Variants in PBX1 observed in about 807,000 individuals in gnomAD.
PBX1 encodes PBX homeobox 1, also known as pre-B-cell leukemia transcription factor 1.
A neutral mutation model predicts 53.4 loss-of-function variants in PBX1; 6 were observed. The ratio of observed to expected loss-of-function variants is 0.11; its 90% CI spans 0.06 to 0.22. The LOEUF (loss-of-function observed/expected upper bound fraction) is 0.22, where lower values mean the gene tolerates loss of function less well. PBX1 is among the 10% of genes least tolerant of loss of function. PBX1 has a pLI of 1.00. For synonymous variants in PBX1, 204 were observed against 212.3 expected (o/e 0.96, Z 0.34); for missense variants, 251 against 551.4 (o/e 0.46, Z 5.46).
chr1:164,780,691 C>T (rs770370279), intron 2 of PBX1, among the ~76,000 whole-genome samples: 18 of 152,128 alleles, frequency 1.2e-4, no homozygotes, highest in Admixed American at 4.6e-4. Flanking sequence ...CACACATCCC[C>T]GAAGACATTA....
At chr1:164,844,864 T>G (rs1671490938) in intron 8 of PBX1, among the ~76,000 whole-genome samples, 1 of 152,204 alleles carries the variant, frequency 6.6e-6, no homozygotes, top group Non-Finnish European at 1.5e-5. Context: ...AAGAAAGAAT[T>G]ATTTTCCTCC....
intron 2 of PBX1, among the ~76,000 whole-genome samples, chr1:164,574,023 C>G (rs1654051690): frequency 6.6e-6 from 1 of 152,160 alleles, no homozygotes; most frequent in South Asian, 2.1e-4. Context: ...TAGCCGTGTT[C>G]CAGATTAAAG....
At chr1:164,819,088 G>A (rs1425471269) in intron 6 of PBX1, 4 of 152,186 alleles carry the variant, frequency 2.6e-5, no homozygotes, top group African/African-American at 9.7e-5. Context: ...AACCTTGCAC[G>A]TTGAGCTTTC....
At position 164,752,420 on chromosome 1, in the gene PBX1, C is replaced by A. The variant is rs1666283845; in HGVS notation, c.266-40074C>A. Reference sequence around the variant, plus strand: ...TGTGAGCCAGATTGCCATTCTGGACCAAGATCTGAGAAGGAAGACATAGGG... The same window carrying A: ...TGTGAGCCAGATTGCCATTCTGGACAAAGATCTGAGAAGGAAGACATAGGG... On this transcript the variant is annotated intron_variant, in intron 2 of 8. Transcript: ENST00000420696. Among the ~76,000 whole-genome samples, 4 of 152,042 alleles carry A rather than the reference C, an allele frequency of 2.6e-5. No homozygotes were observed. The South Asian group carries it at 8.4e-4, about 32-fold the overall frequency.
In PBX1 at chr1:164,870,971, C is replaced by T. The variant is rs771050637; in HGVS notation, n.258-28217C>T. Among the ~76,000 whole-genome samples, 36 of 152,012 alleles carry T rather than the reference C, an allele frequency of 2.4e-4. 1 individual carries two copies. Among genetic ancestry groups the T allele is most frequent in the Non-Finnish European group, 4.4e-4 (30 of 68,022 alleles). The stretch of plus-strand genomic sequence containing the variant: ...CCCACTCCCTTTTCACACCTGTCAA[C>T]GAGATCAAGCTGATTACCTAAAACA... On this transcript the variant is annotated intron_variant and non_coding_transcript_variant, in intron 2 of 2. Coordinates refer to the PBX1 transcript ENST00000558796.
chr1:164,792,269 C>T (rs1014896776), intron 2 of PBX1, among the ~76,000 whole-genome samples: 24 of 152,258 alleles, frequency 1.6e-4, no homozygotes, highest in African/African-American at 5.5e-4. Context: ...TTTGATTATT[C>T]GAGATTCCAC....
At chr1:164,821,319 T>C (rs1038240092) in intron 7 of PBX1, among the ~76,000 whole-genome samples, 1 of 110,788 alleles carries the variant, frequency 9.0e-6, no homozygotes, top group Non-Finnish European at 1.9e-5. Context: ...CAGTTTTCTT[T>C]TACCATTTTA....
rs375539653 is a variant in PBX1, at chr1:164,716,685, T to TACACACACACACACACACACACACAC, written c.266-75789_266-75764dup. On this transcript the variant is annotated intron_variant, in intron 2 of 8. Coordinates refer to ENST00000420696, the MANE Select transcript of PBX1 (RefSeq NM_002585.4). The stretch of plus-strand genomic sequence containing the variant: ...TGGGCAACATGGGAAATGTCATCTC[T>TACACACACACACACACACACACACAC]ACACACACACACACACACACACACA... 3.8e-3 allele frequency among the ~76,000 whole-genome samples: 440 copies of TACACACACACACACACACACACACAC among 115,834 alleles called. 5 individuals carry two copies. The highest frequency in any genetic ancestry group is 6.7e-3 in the South Asian group (17 of 2,542). The allele number at this position is 115,834 out of a possible 152,430, so 76.0% of individuals were successfully genotyped here. A position where few individuals can be genotyped will look rare whatever the true frequency, so the allele number is the denominator to read the frequency against.
intron 2 of PBX1, among the ~76,000 whole-genome samples, chr1:164,630,067 A>G (rs537712540): frequency 2.5e-4 from 38 of 152,290 alleles, no homozygotes; most frequent in African/African-American, 8.2e-4. Context: ...AGATAACGTA[A>G]AATTTTTCCT....
chr1:164,749,719 G>A (rs983739595), intron 2 of PBX1, among the ~76,000 whole-genome samples: 10 of 152,116 alleles, frequency 6.6e-5, no homozygotes, highest in African/African-American at 2.4e-4. Context: ...AAAAGGGAGA[G>A]AATGAATTTG....
intron 2 of PBX1, among the ~76,000 whole-genome samples, chr1:164,579,935 T>A (rs1211307168): frequency 6.6e-6 from 1 of 152,194 alleles, no homozygotes; most frequent in Non-Finnish European, 1.5e-5. Flanking sequence ...TTAGTGAATC[T>A]TCCTAAAGTC....
chr1:164,573,008 C>A (rs75518954), intron 2 of PBX1, among the ~76,000 whole-genome samples: 1 of 152,056 alleles, frequency 6.6e-6, no homozygotes, highest in Admixed American at 6.6e-5. Flanking sequence ...TTCACACCCC[C>A]CTCCCCTACT....
chr1:164,773,241 G>GCACACACACACACACACACACACACACA (rs746140319), intron 2 of PBX1, among the ~76,000 whole-genome samples: 1 of 135,188 alleles, frequency 7.4e-6, no homozygotes, highest in African/African-American at 2.7e-5. Context: ...TAGGTAACAC[G>GCACACACACACACACACACACACACACA]CGCACACACA....
chr1:164,844,323 A>G (rs566468347), intron 8 of PBX1, among the ~76,000 whole-genome samples: 57 of 152,028 alleles, frequency 3.7e-4, no homozygotes, highest in African/African-American at 1.4e-3. Flanking sequence ...CTTCCTCTAA[A>G]AAGTAGGACC....
intron 2 of PBX1, among the ~76,000 whole-genome samples, chr1:164,627,567 A>G (rs1658127948): frequency 6.6e-6 from 1 of 152,136 alleles, no homozygotes; most frequent in Non-Finnish European, 1.5e-5. Flanking sequence ...AGTGAAAGGA[A>G]ATAATATTTC....
At chr1:164,603,208 A>G (rs1337288288) in intron 2 of PBX1, among the ~76,000 whole-genome samples, 1 of 151,214 alleles carries the variant, frequency 6.6e-6, no homozygotes, top group Non-Finnish European at 1.5e-5. Context: ...AAAAGGGTGC[A>G]TTTTATTTTT....
intron 2 of PBX1, among the ~76,000 whole-genome samples, chr1:164,664,980 A>G (rs964734954): frequency 6.6e-6 from 1 of 152,192 alleles, no homozygotes; most frequent in Non-Finnish European, 1.5e-5. Flanking sequence ...ACAAGCTTGG[A>G]ATCTGTGTTG....
At chr1:164,636,016 T>G (rs914259502) in intron 2 of PBX1, among the ~76,000 whole-genome samples, 1 of 152,164 alleles carries the variant, frequency 6.6e-6, no homozygotes, top group African/African-American at 2.4e-5. Context: ...TGGACTTTGA[T>G]CAGCCAACAA....
At chr1:164,648,353 A>G (rs778840413) in intron 2 of PBX1, among the ~76,000 whole-genome samples, 15 of 152,142 alleles carry the variant, frequency 9.9e-5, no homozygotes, top group Non-Finnish European at 1.9e-4. Context: ...TGTGTAACTT[A>G]TTTTTCACAT....
Sources: gnomAD v4.1 joint callset for allele counts (sites outside exome capture counted in the v4.1 genomes callset) on GRCh38, gnomAD v4.1.1 for gene constraint, MANE v1.5 for transcripts, NCBI Gene and HGNC (gene_info 2026-07-23, HGNC 2026-07-21) for gene names.